TMEM91: variants seen among roughly 807,000 people sequenced by gnomAD.
TMEM91 encodes the protein dispanin subfamily C member 3.
A neutral mutation model predicts 13.3 loss-of-function variants in TMEM91; 6 were observed. The ratio of observed to expected loss-of-function variants is 0.45; its 90% CI spans 0.25 to 0.89. The LOEUF is 0.89. TMEM91 is among the 40% of genes least tolerant of loss of function. The pLI is 0.19. For missense variants in TMEM91, 193 were observed against 228.7 expected (o/e 0.84, Z 1.01); for synonymous variants, 87 against 101.7 (o/e 0.86, Z 0.87).
rs1314592367 is a variant in TMEM91 at position 41,371,406 on chromosome 19, C to CTTCTT, written c.-29-6874_-29-6873insTCTTT. 1.6e-3 allele frequency among the ~76,000 whole-genome samples: 220 copies of CTTCTT among 134,622 alleles called. 1 individual carries two copies. Among genetic ancestry groups the CTTCTT allele is most frequent in the Non-Finnish European group, 2.0e-3 (125 of 63,532 alleles). The allele number at this position is 134,622 out of a possible 152,430, so 88.3% of individuals were successfully genotyped here. On this transcript the variant is annotated intron_variant, in intron 1 of 3. Coordinates refer to the TMEM91 transcript ENST00000413014. The stretch of plus-strand genomic sequence containing the variant: ...CCTTCTTTCCTTCCTCCCTCCCTCC[C>CTTCTT]TCCTTTCTCTCTCTCTCTTTCTCTC...
At chr19:41,379,016 T>C (rs1037053943) in intron 2 of TMEM91, among the ~76,000 whole-genome samples, 3 of 151,712 alleles carry the variant, frequency 2.0e-5, no homozygotes, top group African/African-American at 7.3e-5. Context: ...GTGTTTTTTG[T>C]AGAGAAGAGG....
At chr19:41,375,371 C>T (rs1261128875), upstream of TMEM91, among the ~76,000 whole-genome samples, 2 of 145,200 alleles carry the variant, frequency 1.4e-5, no homozygotes, top group South Asian at 2.3e-4. Context: ...CTCCGCCTCC[C>T]GGGTCCACGC....
At chr19:41,382,953 G>T (rs926125976) in intron 3 of TMEM91, 32 bp downstream of exon 3, 1 of 1,206,524 alleles carries the variant, frequency 8.3e-7, no homozygotes, top group Non-Finnish European at 1.2e-6. Context: ...GGAGGGGACT[G>T]GGCATAAAAG....
chr19:41,371,134 T>C lies in TMEM91; in HGVS notation c.-30+7039T>C, dbSNP rs1029471295. ...ATTGTGCCTCAGCCTCCCGAGTAGC[T>C]GGGATTACAGGCATGCACCATCATG... On this transcript the variant is annotated intron_variant, in intron 1 of 3. Coordinates refer to the TMEM91 transcript ENST00000413014. Among the ~76,000 whole-genome samples, 7 of 152,016 alleles carry C rather than the reference T, an allele frequency of 4.6e-5. 1 individual carries two copies. Among genetic ancestry groups the C allele is most frequent in the Admixed American group, 6.6e-5 (1 of 15,256 alleles).
At chr19:41,372,561 T>C (rs1001867915), upstream of TMEM91, among the ~76,000 whole-genome samples, 7 of 152,166 alleles carry the variant, frequency 4.6e-5, 1 homozygote, top group Non-Finnish European at 7.3e-5. Context: ...ATTGATGTTT[T>C]GAAGGTTATA....
upstream of TMEM91, among the ~76,000 whole-genome samples, chr19:41,375,263 A>ATTTTC (rs2038690613): frequency 3.9e-4 from 30 of 76,928 alleles, no homozygotes; most frequent in Non-Finnish European, 4.9e-4. Context: ...GAGCCCGTTT[A>ATTTTC]TTTTCTTTTC....
intron 1 of TMEM91, among the ~76,000 whole-genome samples, chr19:41,365,705 G>A (rs1481910352): frequency 8.4e-6 from 1 of 119,148 alleles, no homozygotes; most frequent in Non-Finnish European, 1.7e-5. Context: ...GTGACCGGCC[G>A]GGTTTTTTTT....
At chr19:41,366,255 C>T (rs2038526009) in intron 1 of TMEM91, among the ~76,000 whole-genome samples, 1 of 151,702 alleles carries the variant, frequency 6.6e-6, no homozygotes, top group Non-Finnish European at 1.5e-5. Flanking sequence ...TCTTGGGGCC[C>T]CTGGTCCCCT....
At chr19:41,377,231 GC>G (rs2123183547) in intron 1 of TMEM91, 1 of 152,334 alleles carries the variant, frequency 6.6e-6, no homozygotes, top group South Asian at 2.0e-4. Context: ...AGGAGAGAGT[GC>G]CGGGGTGCAT....
chr19:41,380,764 A>G (rs1209902836), intron 2 of TMEM91, among the ~76,000 whole-genome samples: 1 of 151,886 alleles, frequency 6.6e-6, no homozygotes, highest in East Asian at 1.9e-4. Flanking sequence ...AAATACAAAA[A>G]TTAGCCAGGT....
chr19:41,367,284 G>A (rs1004715220), intron 1 of TMEM91, among the ~76,000 whole-genome samples: 9 of 152,190 alleles, frequency 5.9e-5, no homozygotes, highest in African/African-American at 1.9e-4. Context: ...CATTCTGATA[G>A]GAGGAGGAGT....
intron 1 of TMEM91, among the ~76,000 whole-genome samples, chr19:41,367,059 T>C (rs1478091568): frequency 6.6e-6 from 1 of 152,078 alleles, no homozygotes; most frequent in Non-Finnish European, 1.5e-5. Flanking sequence ...GAGCATCACT[T>C]GAACCTGGGA....
In TMEM91 at chr19:41,378,053, AG is replaced by A. The variant is rs1271594467; in HGVS notation, c.-29-227del. On this transcript the variant is annotated intron_variant, in intron 1 of 3. Transcript: ENST00000392002. ...TTTGTCTCAAAAAAAAAAAAAAAAA[AG>A]AGAGAGAGAGAGAAATGCCCAAAAT... Among the ~76,000 whole-genome samples the A allele has an allele frequency of 6.8e-3, 835 of 122,968 alleles. 3 individuals carry two copies. The highest frequency in any genetic ancestry group is 0.011 in the Non-Finnish European group (616 of 56,172). 80.7% of individuals were successfully genotyped at this position (122,968 alleles called of 152,430 possible).
chr19:41,373,043 ATCC>A (rs375499024), upstream of TMEM91, among the ~76,000 whole-genome samples: 7 of 152,188 alleles, frequency 4.6e-5, no homozygotes, highest in African/African-American at 1.7e-4. Flanking sequence ...GGCTAAACCA[ATCC>A]TCCTATCTCA....
intron 1 of TMEM91, among the ~76,000 whole-genome samples, chr19:41,369,336 C>G (rs2038576794): frequency 6.6e-6 from 1 of 152,088 alleles, no homozygotes; most frequent in Non-Finnish European, 1.5e-5. Context: ...TGCCGCCACG[C>G]CCAGCTAATT....
intron 1 of TMEM91, among the ~76,000 whole-genome samples, chr19:41,367,391 G>A (rs980062342): frequency 1.6e-4 from 24 of 152,118 alleles, no homozygotes; most frequent in African/African-American, 5.8e-4. Context: ...CCAGCACTTT[G>A]GGAGGTTGAG....
chr19:41,370,972 G>A (rs576539430), intron 1 of TMEM91, among the ~76,000 whole-genome samples: 1 of 151,786 alleles, frequency 6.6e-6, no homozygotes, highest in African/African-American at 2.4e-5. Flanking sequence ...TAAAGTGCTG[G>A]GATTACAGGC....
At chr19:41,380,120 C>T (rs2038844629) in intron 2 of TMEM91, among the ~76,000 whole-genome samples, 1 of 151,870 alleles carries the variant, frequency 6.6e-6, no homozygotes, top group South Asian at 2.1e-4. Flanking sequence ...GTCTCAAACT[C>T]CTGACCTCAG....
intron 1 of TMEM91, among the ~76,000 whole-genome samples, chr19:41,364,875 A>G (rs1402396291): frequency 6.6e-6 from 1 of 151,554 alleles, no homozygotes; most frequent in African/African-American, 2.4e-5. Flanking sequence ...GCCAGTCATC[A>G]GGTCCCATCA....
Sources: allele counts gnomAD v4.1 joint callset (sites outside exome capture counted in the v4.1 genomes callset), GRCh38; gene constraint gnomAD v4.1.1; transcripts MANE v1.5; gene names NCBI Gene and HGNC (gene_info 2026-07-23, HGNC 2026-07-21).